The following WTAP variants were observed in gnomAD, a reference collection of about 807,000 sequenced individuals.
The protein encoded by WTAP is pre-mRNA-splicing regulator WTAP.
In WTAP, 8 loss-of-function variants were observed where a neutral mutation model predicts 50.0. The observed-to-expected ratio is 0.16, with a 90% confidence interval of 0.09 to 0.29. The LOEUF (loss-of-function observed/expected upper bound fraction) is 0.29. Ranked by LOEUF, WTAP falls within the 10% of genes least tolerant of loss-of-function variation. The pLI, the probability that WTAP is intolerant of heterozygous loss-of-function variation, is 1.00. For synonymous variants in WTAP, 194 were observed against 169.0 expected, an observed-to-expected ratio of 1.15 and a Z score of -1.15; for missense variants, 295 against 470.7, an observed-to-expected ratio of 0.63 and a Z score of 3.45.
intron 3 of WTAP, 110 bp downstream of exon 3, chr6:159,739,155 C>G: frequency 1.2e-6 from 1 of 854,904 alleles, no homozygotes. Flanking sequence ...GTTCTATCCT[C>G]AAATAATTTA....
chr6:159,745,635 A>C (rs1779530487), intron 5 of WTAP, among the ~76,000 whole-genome samples: 1 of 152,158 alleles, frequency 6.6e-6, no homozygotes, highest in Non-Finnish European at 1.5e-5. Flanking sequence ...TCAGCCTGGA[A>C]TCTTGGGTAT....
intron 1 of WTAP, among the ~76,000 whole-genome samples, chr6:159,730,248 G>A (rs1440682972): frequency 6.6e-6 from 1 of 152,152 alleles, no homozygotes; most frequent in Non-Finnish European, 1.5e-5. Context: ...GTTATTAAAT[G>A]TGTGATTCAT....
At chr6:159,754,226 T>C (rs371333466) in intron 7 of WTAP, among the ~76,000 whole-genome samples, 32 of 152,224 alleles carry the variant, frequency 2.1e-4, no homozygotes, top group African/African-American at 7.2e-4. Flanking sequence ...AGATGATCAG[T>C]AGCCAAGTAA....
Position 159,748,985 on chromosome 6 carries a change from T to G in WTAP, c.452+616T>G, listed in dbSNP as rs544712219. The G allele has an allele frequency of 2.3e-5, 24 of 1,039,282 alleles. No individual in the cohort carries two copies. The East Asian group carries it at 1.4e-3, about 60-fold the overall frequency. The allele number at this position is 1,039,282 out of a possible 1,614,324, so 64.4% of individuals were successfully genotyped here. On this transcript the variant is annotated intron_variant, in intron 6 of 7. Coordinates refer to ENST00000621533, the MANE Select transcript of WTAP (RefSeq NM_001270531.2). The surrounding 1 kb of genome is among the most constrained non-coding windows in gnomAD (Gnocchi z 5.6). ...TTTGCTGAGAACCAACTTTCAATAG[T>G]CATGAGAGAATCAAATAATAGATGT... is the stretch of plus-strand genomic sequence containing the variant.
Position 159,755,317 on chromosome 6 carries a change from C to G in WTAP, c.897C>G (p.Thr299=). 6.2e-7 allele frequency: 1 copy of G among 1,614,206 alleles called. No homozygotes were observed. The highest frequency in any genetic ancestry group is 8.5e-7 in the Non-Finnish European group (1 of 1,180,044). Residue 299 remains threonine, a synonymous_variant, in exon 8 of 8, where the codon ACC becomes ACG. Transcript: ENST00000621533. ...GATTTCACAGGGAGGGCAACACAAC[C>G]GAAGATGACTTTCCTTCTTCTCCAG... ...GSGFHREGNT[T]EDDFPSSPGN...
intron 1 of WTAP, among the ~76,000 whole-genome samples, chr6:159,734,915 T>G (rs1778811077): frequency 6.6e-6 from 1 of 152,182 alleles, no homozygotes; most frequent in Non-Finnish European, 1.5e-5. Flanking sequence ...TGTCTTTTTT[T>G]TGTGTGTGGA....
upstream of WTAP, chr6:159,727,073 C>A: frequency 8.3e-7 from 1 of 1,207,036 alleles, no homozygotes; most frequent in Admixed American, 3.2e-5. Context: ...CCGTGATGCC[C>A]TGGGGCTGAC....
chr6:159,742,016 T>C, intron 3 of WTAP, 72 bp from the exon 4 acceptor site: 2 of 1,112,500 alleles, frequency 1.8e-6, no homozygotes, highest in East Asian at 2.5e-5. Flanking sequence ...TCTGTGAGTT[T>C]ATAGATATCT....
chr6:159,752,078 A>T (rs1382450681), intron 6 of WTAP, among the ~76,000 whole-genome samples: 1 of 151,654 alleles, frequency 6.6e-6, no homozygotes, highest in Non-Finnish European at 1.5e-5. Context: ...AAAAAAAAAA[A>T]TGCTGTAGGT....
At chr6:159,727,227 GC>G (rs1439680630), upstream of WTAP, 14 of 1,271,890 alleles carry the variant, frequency 1.1e-5, no homozygotes, top group Non-Finnish European at 1.4e-5. Flanking sequence ...GTGCCTCGAG[GC>G]CCCGATCGGG....
In WTAP at chr6:159,727,677, G is replaced by T. The variant is rs1459561280; in HGVS notation, c.-35G>T. On this transcript the variant is annotated 5_prime_UTR_variant, in exon 1 of 8. Transcript: ENST00000621533. ...GCGGCCTCGGCCTATGCGACCGGTGGCGCCGGCGCGGCTTCTGCCTGGAGA... is the reference window on the plus strand; with the variant it reads ...GCGGCCTCGGCCTATGCGACCGGTGTCGCCGGCGCGGCTTCTGCCTGGAGA... 1.0e-6 allele frequency: 1 copy of T among 984,732 alleles called. No homozygotes were observed. The highest frequency in any genetic ancestry group is 1.2e-6 in the Non-Finnish European group (1 of 829,942). The allele number at this position is 984,732 out of a possible 1,614,324, so 61.0% of individuals were successfully genotyped here.
At chr6:159,743,625 A>G (rs764173508) in intron 4 of WTAP, 40 bp from the exon 5 acceptor site, 2 of 1,552,772 alleles carry the variant, frequency 1.3e-6, no homozygotes, top group Non-Finnish European at 1.7e-6. Context: ...TTAGAACTTG[A>G]TCTTAAAATT....
intron 6 of WTAP, among the ~76,000 whole-genome samples, chr6:159,751,886 AC>A (rs1406161091): frequency 1.3e-5 from 2 of 152,178 alleles, no homozygotes; most frequent in African/African-American, 4.8e-5. Context: ...ACAAGGCGAA[AC>A]CCCATCTCTA....
At chr6:159,744,264 T>G (rs192673996) in intron 5 of WTAP, among the ~76,000 whole-genome samples, 113 of 152,344 alleles carry the variant, frequency 7.4e-4, no homozygotes, top group Non-Finnish European at 1.4e-3. Flanking sequence ...GTGTAGTATT[T>G]ACTATGTCTA....
Position 159,755,395 on chromosome 6 carries a change from T to C in WTAP, c.975T>C (p.Gly325=). The change falls in exon 8 of 8, where the codon GGT becomes GGC. Residue 325 remains glycine (G), a synonymous_variant. Coordinates refer to ENST00000621533, the MANE Select transcript of WTAP (RefSeq NM_001270531.2). The part of the protein sequence containing the change: ...NSSEERTGRG[G]SGYVNQLSAG... ...CAGAGGAGAGAACTGGCAGAGGAGG[T>C]AGTGGTTACGTAAATCAACTCAGTG... The C allele has an allele frequency of 6.2e-7, 1 of 1,613,988 alleles. No homozygotes were observed. Among genetic ancestry groups the C allele is most frequent in the Non-Finnish European group, 8.5e-7 (1 of 1,179,996 alleles).
At chr6:159,739,750 T>C (rs1222993243) in intron 3 of WTAP, among the ~76,000 whole-genome samples, 1 of 151,428 alleles carries the variant, frequency 6.6e-6, no homozygotes, top group African/African-American at 2.4e-5. Context: ...ACACAGATTT[T>C]GTTGTTTCCT....
In WTAP at chr6:159,748,066, A is replaced by G. The variant is rs951881786; in HGVS notation, c.274-125A>G. On this transcript the variant is annotated intron_variant, in intron 5 of 7. Coordinates refer to ENST00000621533, the MANE Select transcript of WTAP (RefSeq NM_001270531.2). This position sits in a 1 kb window ranked among gnomAD's most constrained non-coding sequence, Gnocchi z 5.6. ...TTTTAAGATTTTTCTAGAGAATTTC[A>G]GGATCAAAGAGGGGAGGAGCTTAAT... The G allele has an allele frequency of 4.1e-6, 5 of 1,208,814 alleles. No homozygotes were observed. Among genetic ancestry groups the G allele is most frequent in the Non-Finnish European group, 5.7e-6 (5 of 877,872 alleles). The allele number at this position is 1,208,814 out of a possible 1,614,324, so 74.9% of individuals were successfully genotyped here. A position where few individuals can be genotyped will look rare whatever the true frequency, so the allele number is the denominator to read the frequency against.
chr6:159,727,929 G>A (rs1474430853), intron 1 of WTAP, among the ~76,000 whole-genome samples: 1 of 152,240 alleles, frequency 6.6e-6, no homozygotes, highest in Non-Finnish European at 1.5e-5. Context: ...GGCCCGGGTT[G>A]AGAGGGGTGC....
intron 3 of WTAP, among the ~76,000 whole-genome samples, chr6:159,740,760 G>A (rs550925748): frequency 2.4e-4 from 36 of 148,162 alleles, no homozygotes; most frequent in African/African-American, 8.8e-4. Context: ...CTGGAATGCA[G>A]TTGCGCGATC....
Sources: allele counts gnomAD v4.1 joint callset (sites outside exome capture counted in the v4.1 genomes callset), GRCh38; gene constraint gnomAD v4.1.1; non-coding constraint Gnocchi (gnomAD v3.1); transcripts MANE v1.5; gene names NCBI Gene and HGNC (gene_info 2026-07-23, HGNC 2026-07-21).